GRIK2: variants seen among roughly 807,000 people sequenced by gnomAD.
GRIK2 encodes glutamate ionotropic receptor kainate type subunit 2.
Under a neutral mutation model 100.3 loss-of-function variants are expected in GRIK2, and 32 were observed. The ratio of observed to expected loss-of-function variants is 0.32; its 90% confidence interval spans 0.24 to 0.43. The LOEUF (loss-of-function observed/expected upper bound fraction) is 0.43, where lower values mean the gene tolerates loss of function less well. Among genes scored for constraint, GRIK2 ranks in the 20% least tolerant of loss-of-function variants. The pLI is 1.00. For synonymous variants in GRIK2, 417 were observed against 389.4 expected, an observed-to-expected ratio of 1.07 and a Z score of -0.83; for missense variants, 843 against 1,114.9, an observed-to-expected ratio of 0.76 and a Z score of 3.47.
At position 101,516,676 on chromosome 6, in the gene GRIK2, G is replaced by T. The variant is rs186069256; in HGVS notation, c.116-105273G>T. Among the ~76,000 whole-genome samples the T allele has an allele frequency of 3.4e-3, 511 of 152,078 alleles. 6 individuals carry two copies. The highest frequency in any genetic ancestry group is 0.012 in the African/African-American group (482 of 41,518). ...CTTTACAGTTTAAATAAACTAAAAG[G>T]AAACTGCCTATAATTTATACACTGT... is the stretch of plus-strand genomic sequence containing the variant. On this transcript the variant is annotated intron_variant, in intron 2 of 16. Transcript: ENST00000369134.
chr6:101,637,808 C>A (rs1166282499), intron 4 of GRIK2, among the ~76,000 whole-genome samples: 1 of 152,046 alleles, frequency 6.6e-6, no homozygotes, highest in East Asian at 1.9e-4. Flanking sequence ...CTGCAGCTTT[C>A]CTTGAATAAT....
chr6:101,663,632 G>A (rs1769799846), intron 4 of GRIK2, among the ~76,000 whole-genome samples: 1 of 152,196 alleles, frequency 6.6e-6, no homozygotes, highest in Non-Finnish European at 1.5e-5. Flanking sequence ...CCCGTTTGGT[G>A]AAAAATAAGA....
intron 5 of GRIK2, among the ~76,000 whole-genome samples, chr6:101,681,411 T>A (rs1771241432): frequency 1.3e-5 from 2 of 149,342 alleles, no homozygotes; most frequent in Non-Finnish European, 3.0e-5. Flanking sequence ...TCTATTTTTT[T>A]TTTTTTTTTT....
intron 7 of GRIK2, among the ~76,000 whole-genome samples, chr6:101,794,888 C>T (rs113151524): frequency 0.012 from 1,705 of 141,540 alleles, 27 homozygotes; most frequent in African/African-American, 0.043. Context: ...TTTTTTGAGA[C>T]GGAGTCTCAC....
intron 11 of GRIK2, among the ~76,000 whole-genome samples, chr6:101,885,908 A>G (rs908190775): frequency 3.9e-5 from 6 of 152,040 alleles, no homozygotes; most frequent in Non-Finnish European, 7.4e-5. Flanking sequence ...TTTATTATTG[A>G]TACATTTATG....
intron 14 of GRIK2, chr6:101,993,896 A>T (rs111713197): frequency 1.4e-5 from 2 of 148,028 alleles, no homozygotes; most frequent in South Asian, 4.2e-4. Flanking sequence ...GATATATATT[A>T]TACACACATA....
chr6:101,784,094 G>A (rs1291966981), intron 7 of GRIK2, among the ~76,000 whole-genome samples: 4 of 152,312 alleles, frequency 2.6e-5, no homozygotes, highest in Middle Eastern at 3.4e-3. Flanking sequence ...AACGAGGAGC[G>A]GAATGTTACT....
intron 2 of GRIK2, among the ~76,000 whole-genome samples, chr6:101,577,627 G>C (rs1204471946): frequency 6.6e-6 from 1 of 152,054 alleles, no homozygotes; most frequent in Non-Finnish European, 1.5e-5. Flanking sequence ...TAGTGGATCT[G>C]TTTATCTTAA....
chr6:102,010,735 A>G (rs1231436075), intron 14 of GRIK2, among the ~76,000 whole-genome samples: 1 of 150,350 alleles, frequency 6.7e-6, no homozygotes, highest in Non-Finnish European at 1.5e-5. Context: ...TAATGACTCC[A>G]TAGTTTTGCC....
intron 15 of GRIK2, among the ~76,000 whole-genome samples, chr6:102,036,888 A>G (rs2023599): frequency 0.35 from 53,381 of 151,066 alleles, 9,970 homozygotes; most frequent in African/African-American, 0.49. Flanking sequence ...TTGAAAGAAA[A>G]GGGAAAACAT....
chr6:101,689,109 G>A (rs1048278662), intron 7 of GRIK2, among the ~76,000 whole-genome samples: 1 of 151,912 alleles, frequency 6.6e-6, no homozygotes, highest in Non-Finnish European at 1.5e-5. Flanking sequence ...TTTAGGAAAA[G>A]AAATTAATAA....
chr6:101,512,467 G>A (rs1218776809), intron 2 of GRIK2, among the ~76,000 whole-genome samples: 1 of 151,950 alleles, frequency 6.6e-6, no homozygotes, highest in African/African-American at 2.4e-5. Flanking sequence ...TAAATTGTTG[G>A]CTAAAAATTA....
chr6:101,960,086 G>A (rs1792200579), intron 14 of GRIK2, among the ~76,000 whole-genome samples: 1 of 109,662 alleles, frequency 9.1e-6, no homozygotes, highest in Non-Finnish European at 1.8e-5. Context: ...GGTTAATTCA[G>A]AAGGCTTGTC....
intron 7 of GRIK2, among the ~76,000 whole-genome samples, chr6:101,728,612 C>T (rs1775036472): frequency 6.6e-6 from 1 of 151,822 alleles, no homozygotes; most frequent in African/African-American, 2.4e-5. Context: ...GTCTTGGTTA[C>T]TTACCTTATT....
intron 2 of GRIK2, among the ~76,000 whole-genome samples, chr6:101,474,449 G>C (rs559907864): frequency 1.3e-5 from 2 of 151,878 alleles, no homozygotes; most frequent in South Asian, 4.1e-4. Flanking sequence ...TTAGTATTGT[G>C]TTGTTCATTT....
chr6:101,730,220 T>TA lies in GRIK2; in HGVS notation c.951+43867_951+43868insA, dbSNP rs1402570836. Among the ~76,000 whole-genome samples the TA allele has an allele frequency of 2.0e-5, 3 of 152,024 alleles. No homozygotes were observed. The East Asian group carries it at 5.8e-4, about 29-fold the overall frequency. On this transcript the variant is annotated intron_variant, in intron 7 of 16. Transcript: ENST00000369134. ...ATTTTCTGTAGAGAGCCCCTAGTCC[T>TA]TAAAGAGTAGACTAAATCAACAAAG...
At chr6:101,750,402 C>T (rs1776713993) in intron 7 of GRIK2, among the ~76,000 whole-genome samples, 1 of 152,126 alleles carries the variant, frequency 6.6e-6, no homozygotes, top group African/African-American at 2.4e-5. Flanking sequence ...TTACCCTTCT[C>T]ACCGAGGCCC....
chr6:101,932,008 A>G (rs1049688272), intron 14 of GRIK2, among the ~76,000 whole-genome samples: 2 of 152,104 alleles, frequency 1.3e-5, no homozygotes, highest in African/African-American at 2.4e-5. Context: ...TATAAAGGCT[A>G]GGAGAATGGA....
chr6:101,555,356 C>T (rs1776686128), intron 2 of GRIK2, among the ~76,000 whole-genome samples: 1 of 152,078 alleles, frequency 6.6e-6, no homozygotes, highest in African/African-American at 2.4e-5. Context: ...GGACCTTATC[C>T]CCTTATGGCA....
Sources: gnomAD v4.1 joint callset for allele counts (sites outside exome capture counted in the v4.1 genomes callset) on GRCh38, gnomAD v4.1.1 for gene constraint, MANE v1.5 for transcripts, NCBI Gene and HGNC (gene_info 2026-07-23, HGNC 2026-07-21) for gene names.